The following ZMAT4 variants were observed in gnomAD, a reference collection of about 807,000 sequenced individuals.
The protein encoded by ZMAT4 is zinc finger matrin-type protein 4.
ZMAT4 carries 17 observed loss-of-function variants against 28.7 expected under a neutral mutation model. That is an observed-to-expected ratio of 0.59 (90% CI 0.41 to 0.89). The LOEUF is 0.89. ZMAT4 is among the 40% of genes least tolerant of loss of function. ZMAT4 has a pLI of 0.00. For missense variants in ZMAT4, 240 were observed against 283.8 expected (o/e 0.85, Z 1.11); for synonymous variants, 117 against 109.2 (o/e 1.07, Z -0.44).
intron 1 of ZMAT4, among the ~76,000 whole-genome samples, chr8:40,841,862 G>T (rs1355977518): frequency 6.6e-6 from 1 of 152,186 alleles, no homozygotes; most frequent in Non-Finnish European, 1.5e-5. Flanking sequence ...GTTAAGAAGA[G>T]TCCAGAGGGT....
chr8:40,661,649 G>C (rs1184753265), intron 5 of ZMAT4, among the ~76,000 whole-genome samples: 1 of 152,154 alleles, frequency 6.6e-6, no homozygotes, highest in Non-Finnish European at 1.5e-5. Context: ...ATTTGTTCTA[G>C]GACAGGTTTC....
chr8:40,824,512 A>G (rs1208491976), intron 2 of ZMAT4, among the ~76,000 whole-genome samples: 1 of 152,042 alleles, frequency 6.6e-6, no homozygotes, highest in Non-Finnish European at 1.5e-5. Flanking sequence ...TCCTACTAGT[A>G]TATGTTCTTT....
intron 6 of ZMAT4, among the ~76,000 whole-genome samples, chr8:40,548,232 A>C (rs956667825): frequency 1.3e-5 from 2 of 152,158 alleles, no homozygotes; most frequent in African/African-American, 4.8e-5. Context: ...CCATTTGTTT[A>C]TTTTGAACCA....
intron 2 of ZMAT4, among the ~76,000 whole-genome samples, chr8:40,786,480 C>A (rs879367664): frequency 2.6e-5 from 4 of 151,730 alleles, no homozygotes; most frequent in Non-Finnish European, 4.4e-5. Context: ...TTCTTCAAAC[C>A]TCTGATGCAT....
chr8:40,748,659 G>T (rs1333820991), intron 3 of ZMAT4, among the ~76,000 whole-genome samples: 1 of 152,132 alleles, frequency 6.6e-6, no homozygotes, highest in Non-Finnish European at 1.5e-5. Context: ...TATTCGTTTA[G>T]CTTCTTTAAA....
At chr8:40,701,571 G>T (rs1222560633) in intron 3 of ZMAT4, among the ~76,000 whole-genome samples, 4 of 132,926 alleles carry the variant, frequency 3.0e-5, no homozygotes, top group African/African-American at 1.1e-4. Context: ...AGGCTGGAGT[G>T]CAGTGTCACG....
rs1330839547 is a variant in ZMAT4, at chr8:40,531,520, T to G, written c.*703A>C. 2.0e-5 allele frequency: 3 copies of G among 152,790 alleles called. No homozygotes were observed. In the East Asian group the frequency reaches 5.8e-4, roughly 29 times the overall value. 9.5% of individuals were successfully genotyped at this position (152,790 alleles called of 1,614,324 possible). A position where few individuals can be genotyped will look rare whatever the true frequency, so the allele number is the denominator to read the frequency against. ...ACGTTTTTGCCTAAGAAGATCATCA[T>G]GCAGGCAGACTAATTCTTTTCCTAA... On this transcript the variant is annotated 3_prime_UTR_variant, in exon 7 of 7. Coordinates refer to ENST00000297737, the MANE Select transcript of ZMAT4 (RefSeq NM_024645.3).
chr8:40,696,259 G>C (rs769004516), intron 4 of ZMAT4, among the ~76,000 whole-genome samples: 4 of 152,126 alleles, frequency 2.6e-5, no homozygotes, highest in Admixed American at 2.6e-4. Context: ...GATTCTCTAG[G>C]TAAAAGAATA....
chr8:40,786,974 G>A (rs528236399), intron 2 of ZMAT4, among the ~76,000 whole-genome samples: 1 of 152,252 alleles, frequency 6.6e-6, no homozygotes, highest in South Asian at 2.1e-4. Flanking sequence ...GGTTTCACCC[G>A]AGAAATTTTT....
chr8:40,755,627 A>AT (rs900487132), intron 3 of ZMAT4, among the ~76,000 whole-genome samples: 5 of 151,794 alleles, frequency 3.3e-5, no homozygotes, highest in Non-Finnish European at 5.9e-5. Context: ...TAATTTTTGT[A>AT]TTTTTTGTAG....
chr8:40,771,654 C>T (rs945175276), intron 2 of ZMAT4, among the ~76,000 whole-genome samples: 3 of 152,178 alleles, frequency 2.0e-5, no homozygotes, highest in African/African-American at 7.2e-5. Context: ...GCCTTCTTAA[C>T]CCAAGAGCAA....
intron 6 of ZMAT4, among the ~76,000 whole-genome samples, chr8:40,534,391 TTC>T (rs1802782890): frequency 1.3e-5 from 2 of 152,180 alleles, no homozygotes; most frequent in African/African-American, 4.8e-5. Context: ...AAAATTCTTT[TTC>T]ATCTGAGAGA....
chr8:40,706,202 A>G (rs1286591149), intron 3 of ZMAT4, among the ~76,000 whole-genome samples: 1 of 152,088 alleles, frequency 6.6e-6, no homozygotes, highest in Admixed American at 6.6e-5. Context: ...ACAGAAATGT[A>G]CCACCATGTC....
intron 1 of ZMAT4, among the ~76,000 whole-genome samples, chr8:40,830,470 T>C (rs1251952096): frequency 1.3e-5 from 2 of 152,192 alleles, no homozygotes; most frequent in Non-Finnish European, 2.9e-5. Flanking sequence ...CTTAAAATGG[T>C]GTCCTCTACC....
rs529276945 is a variant in ZMAT4, at chr8:40,598,221, A to G, written c.578-16960T>C. Among the ~76,000 whole-genome samples, 702 of 152,292 alleles carry G rather than the reference A, an allele frequency of 4.6e-3. 3 individuals are homozygous for G. Among genetic ancestry groups the G allele is most frequent in the Middle Eastern group, 0.014 (4 of 294 alleles). The stretch of plus-strand genomic sequence containing the variant: ...GTTTGTTTGTTTGCTTTTTACTTTA[A>G]GTTCCAGGATACATGTGCAGAATGT... On this transcript the variant is annotated intron_variant, in intron 5 of 6. Coordinates refer to ENST00000297737, the MANE Select transcript of ZMAT4 (RefSeq NM_024645.3).
At chr8:40,581,734 A>G (rs1445875404) in intron 5 of ZMAT4, among the ~76,000 whole-genome samples, 4 of 152,218 alleles carry the variant, frequency 2.6e-5, no homozygotes, top group African/African-American at 9.6e-5. Flanking sequence ...ATAAAATGTA[A>G]ATACCAGGAG....
intron 6 of ZMAT4, among the ~76,000 whole-genome samples, chr8:40,535,802 T>C (rs570249624): frequency 1.3e-5 from 2 of 152,258 alleles, no homozygotes; most frequent in Admixed American, 6.5e-5. Flanking sequence ...GATTAATTGG[T>C]CCCACACTGA....
rs1271813983 is a variant in ZMAT4, at chr8:40,668,460, CTT to C, written c.577+6242_577+6243del. On this transcript the variant is annotated intron_variant, in intron 5 of 6. Transcript: ENST00000297737. The stretch of plus-strand genomic sequence containing the variant: ...ACTCTAGCTTGGTGACAGAGCAAGA[CTT>C]TGTCTCAAAAAAAAAAAAAAAAAAG... Among the ~76,000 whole-genome samples, 3 of 92,484 alleles carry C rather than the reference CTT, an allele frequency of 3.2e-5. No homozygotes were observed. The South Asian group carries it at 1.3e-3, about 40-fold the overall frequency. 60.7% of individuals were successfully genotyped at this position (92,484 alleles called of 152,430 possible).
intron 5 of ZMAT4, among the ~76,000 whole-genome samples, chr8:40,616,734 C>T (rs1044614812): frequency 9.3e-5 from 14 of 151,038 alleles, no homozygotes; most frequent in South Asian, 2.1e-4. Flanking sequence ...CGGGGCCTGC[C>T]GTGGGTTGGG....
Sources: gnomAD v4.1 joint callset for allele counts (sites outside exome capture counted in the v4.1 genomes callset) on GRCh38, gnomAD v4.1.1 for gene constraint, MANE v1.5 for transcripts, NCBI Gene and HGNC (gene_info 2026-07-23, HGNC 2026-07-21) for gene names.